COL14A1: variants seen among roughly 807,000 people sequenced by gnomAD.
The protein encoded by COL14A1 is collagen type XIV alpha 1 chain.
Under a neutral mutation model 230.3 loss-of-function variants are expected in COL14A1, and 136 were observed. That is an observed-to-expected ratio of 0.59 (90% CI 0.51 to 0.68). COL14A1 has a LOEUF of 0.68. COL14A1 is among the 30% of genes least tolerant of loss of function. The probability of loss-of-function intolerance (pLI) is 0.00; values close to 1 mark genes in which losing one functional copy is unlikely to be tolerated. For synonymous variants in COL14A1, 792 were observed against 784.1 expected, an observed-to-expected ratio of 1.01 and a Z score of -0.17; for missense variants, 1,976 against 2,215.8, an observed-to-expected ratio of 0.89 and a Z score of 2.17.
At chr8:120,160,709 G>A (rs1222326273) in intron 3 of COL14A1, among the ~76,000 whole-genome samples, 2 of 152,170 alleles carry the variant, frequency 1.3e-5, no homozygotes, top group Non-Finnish European at 2.9e-5. Context: ...AATACATTTA[G>A]CTGCAAAATG....
At chr8:120,307,975 AT>A (rs1253133838) in intron 36 of COL14A1, among the ~76,000 whole-genome samples, 6 of 152,138 alleles carry the variant, frequency 3.9e-5, no homozygotes, top group South Asian at 2.1e-4. Flanking sequence ...GCATTTAAAA[AT>A]TTTTTTTTAA....
At chr8:120,201,342 C>T (rs934506116) in intron 8 of COL14A1, among the ~76,000 whole-genome samples, 3 of 152,090 alleles carry the variant, frequency 2.0e-5, no homozygotes, top group Non-Finnish European at 1.5e-5. Context: ...GGAGCCAGCT[C>T]ATGCCAGTTT....
chr8:120,285,377 A>T (rs4871054), intron 32 of COL14A1, among the ~76,000 whole-genome samples: 73,536 of 148,860 alleles, frequency 0.49, 18,616 homozygotes, highest in African/African-American at 0.62. Flanking sequence ...GGCAGGAGAA[A>T]GGTGTGAACC....
At chr8:120,238,546 C>T (rs918328185) in intron 19 of COL14A1, among the ~76,000 whole-genome samples, 5 of 152,304 alleles carry the variant, frequency 3.3e-5, no homozygotes, top group South Asian at 4.1e-4. Context: ...TGTTGGGCTC[C>T]GTGGGGGTTG....
intron 45 of COL14A1, among the ~76,000 whole-genome samples, chr8:120,358,001 T>C (rs1011880591): frequency 1.3e-5 from 2 of 152,190 alleles, no homozygotes; most frequent in Non-Finnish European, 2.9e-5. Flanking sequence ...AAAAAAGCCA[T>C]TGACAAATTA....
intron 45 of COL14A1, among the ~76,000 whole-genome samples, chr8:120,355,150 T>C (rs1194552587): frequency 1.3e-5 from 2 of 152,224 alleles, no homozygotes; most frequent in Non-Finnish European, 2.9e-5. Flanking sequence ...CAACTCACTC[T>C]TGAGTCACAT....
intron 1 of COL14A1, among the ~76,000 whole-genome samples, chr8:120,145,583 C>T (rs947768838): frequency 6.6e-6 from 1 of 152,212 alleles, no homozygotes; most frequent in Admixed American, 6.5e-5. Flanking sequence ...CACCGTTGCA[C>T]TCCAGCCCTG....
intron 45 of COL14A1, among the ~76,000 whole-genome samples, chr8:120,353,871 C>G (rs1189797955): frequency 1.3e-5 from 2 of 151,670 alleles, no homozygotes; most frequent in Non-Finnish European, 2.9e-5. Context: ...TACCATTTGA[C>G]CCAGCCATCC....
chr8:120,298,597 T>TTACATA (rs1820602227), intron 35 of COL14A1, among the ~76,000 whole-genome samples: 2 of 57,998 alleles, frequency 3.4e-5, no homozygotes, highest in African/African-American at 7.0e-5. Flanking sequence ...CCCATATATT[T>TTACATA]TATATATATA....
intron 40 of COL14A1, among the ~76,000 whole-genome samples, chr8:120,317,015 G>T (rs1293597661): frequency 6.6e-6 from 1 of 152,128 alleles, no homozygotes; most frequent in Non-Finnish European, 1.5e-5. Flanking sequence ...GAAGGCAATA[G>T]GTAGTCATTA....
At position 120,234,628 on chromosome 8, in the gene COL14A1, A is replaced by T. The variant is rs376654008; in HGVS notation, c.2349+3010A>T. Among the ~76,000 whole-genome samples, 881 of 149,064 alleles carry T rather than the reference A, an allele frequency of 5.9e-3. 26 individuals carry two copies. Among genetic ancestry groups the T allele is most frequent in the African/African-American group, 0.022 (847 of 38,584 alleles). On this transcript the variant is annotated intron_variant, in intron 19 of 47. Coordinates refer to ENST00000297848, the MANE Select transcript of COL14A1 (RefSeq NM_021110.4). ...GATGTATTATATTTATTGATTTGCG[A>T]ATGTTGAACCAGCCTTGCATCCCAG...
intron 26 of COL14A1, among the ~76,000 whole-genome samples, chr8:120,270,828 G>A (rs780742281): frequency 6.6e-6 from 1 of 151,634 alleles, no homozygotes; most frequent in Non-Finnish European, 1.5e-5. Context: ...GTTTCTCAAA[G>A]AACTTAAAAC....
At chr8:120,297,833 C>T (rs1468007920) in intron 35 of COL14A1, among the ~76,000 whole-genome samples, 2 of 151,978 alleles carry the variant, frequency 1.3e-5, no homozygotes, top group Non-Finnish European at 2.9e-5. Flanking sequence ...TCCCAGATTC[C>T]ATGGCTCATG....
intron 1 of COL14A1, among the ~76,000 whole-genome samples, chr8:120,142,716 A>G (rs992037764): frequency 6.6e-6 from 1 of 152,174 alleles, no homozygotes; most frequent in Non-Finnish European, 1.5e-5. Context: ...AAACTAGTAC[A>G]TTCTTTAATT....
At chr8:120,138,971 C>T (rs1814804287) in intron 1 of COL14A1, among the ~76,000 whole-genome samples, 1 of 152,032 alleles carries the variant, frequency 6.6e-6, no homozygotes, top group African/African-American at 2.4e-5. Flanking sequence ...TCATTTTATC[C>T]AGTTCTCTTG....
intron 9 of COL14A1, among the ~76,000 whole-genome samples, chr8:120,204,130 A>G (rs1817350403): frequency 6.6e-6 from 1 of 152,222 alleles, no homozygotes; most frequent in Non-Finnish European, 1.5e-5. Flanking sequence ...TAATTTTAAG[A>G]TAGTTATACA....
chr8:120,267,306 T>C (rs914708486), intron 25 of COL14A1, among the ~76,000 whole-genome samples: 2 of 151,952 alleles, frequency 1.3e-5, no homozygotes, highest in African/African-American at 4.8e-5. Context: ...TAAGGTAACT[T>C]TAAAAAGGCC....
At chr8:120,320,061 C>T (rs1170065808) in intron 40 of COL14A1, among the ~76,000 whole-genome samples, 1 of 151,568 alleles carries the variant, frequency 6.6e-6, no homozygotes, top group Admixed American at 6.6e-5. Flanking sequence ...TTCTCAGTCC[C>T]CACCCTAGAC....
At chr8:120,180,459 C>T (rs1816424726) in intron 5 of COL14A1, among the ~76,000 whole-genome samples, 1 of 152,198 alleles carries the variant, frequency 6.6e-6, no homozygotes, top group Non-Finnish European at 1.5e-5. Flanking sequence ...TAGAAACACA[C>T]TCTAACTAGT....
Sources: allele counts gnomAD v4.1 joint callset (sites outside exome capture counted in the v4.1 genomes callset), GRCh38; gene constraint gnomAD v4.1.1; transcripts MANE v1.5; gene names NCBI Gene and HGNC (gene_info 2026-07-23, HGNC 2026-07-21).